Variants in PCDH15 observed in about 807,000 individuals in gnomAD.
The protein encoded by PCDH15 is protocadherin related 15, also known as protocadherin-15.
In PCDH15, 129 loss-of-function variants were observed where a neutral mutation model predicts 178.5. That is an observed-to-expected ratio of 0.72 (90% CI 0.63 to 0.84). The LOEUF (loss-of-function observed/expected upper bound fraction) is 0.84. Among genes scored for constraint, PCDH15 ranks in the 40% least tolerant of loss-of-function variants. The pLI is 0.00. For missense variants in PCDH15, 2,230 were observed against 2,099.9 expected, an observed-to-expected ratio of 1.06 and a Z score of -1.21; for synonymous variants, 800 against 732.0, an observed-to-expected ratio of 1.09 and a Z score of -1.50.
chr10:55,011,576 C>T (rs1476822422), intron 2 of PCDH15, among the ~76,000 whole-genome samples: 2 of 151,942 alleles, frequency 1.3e-5, no homozygotes, highest in Non-Finnish European at 2.9e-5. Context: ...TTAAATTATT[C>T]ATGGTTTAAA....
intron 2 of PCDH15, among the ~76,000 whole-genome samples, chr10:55,561,314 C>A (rs1842194319): frequency 6.6e-6 from 1 of 151,646 alleles, no homozygotes; most frequent in Non-Finnish European, 1.5e-5. Context: ...TAATGTGAAA[C>A]CCTTGGATTT....
intron 18 of PCDH15, among the ~76,000 whole-genome samples, chr10:54,039,481 G>T (rs1391846785): frequency 3.3e-5 from 5 of 151,848 alleles, no homozygotes; most frequent in African/African-American, 1.2e-4. Context: ...AGAATTGTCA[G>T]TGGGTTCCCT....
intron 14 of PCDH15, 74 bp downstream of exon 14, chr10:54,153,026 C>T: frequency 3.3e-6 from 5 of 1,505,026 alleles, no homozygotes; most frequent in Non-Finnish European, 4.6e-6. Context: ...AGAATACTTG[C>T]CGCGCTTCTT....
intron 1 of PCDH15, among the ~76,000 whole-genome samples, chr10:54,666,724 A>T (rs570093869): frequency 6.6e-6 from 1 of 152,178 alleles, no homozygotes; most frequent in African/African-American, 2.4e-5. Flanking sequence ...AAAGATATGT[A>T]TTAGAAAACA....
At chr10:54,867,374 G>C (rs530329989) in intron 3 of PCDH15, among the ~76,000 whole-genome samples, 1 of 151,896 alleles carries the variant, frequency 6.6e-6, no homozygotes, top group East Asian at 1.9e-4. Context: ...ATGTTTACTG[G>C]GTAAAAATTG....
At chr10:55,520,126 T>C (rs1255447036) in intron 2 of PCDH15, among the ~76,000 whole-genome samples, 4 of 132,654 alleles carry the variant, frequency 3.0e-5, no homozygotes, top group Non-Finnish European at 6.4e-5. Context: ...TATATATATA[T>C]ACACGCAATG....
intron 2 of PCDH15, among the ~76,000 whole-genome samples, chr10:55,116,319 T>G (rs1837626790): frequency 1.3e-5 from 2 of 152,218 alleles, no homozygotes; most frequent in South Asian, 4.1e-4. Flanking sequence ...TGCTATTTTC[T>G]TTCTTTGTTT....
chr10:54,709,593 C>CATATATATATAT (rs35055187), intron 1 of PCDH15, among the ~76,000 whole-genome samples: 41 of 94,800 alleles, frequency 4.3e-4, no homozygotes, highest in Admixed American at 7.4e-4. Flanking sequence ...ACAAATAATT[C>CATATATATATAT]ATATATATAT....
intron 1 of PCDH15, among the ~76,000 whole-genome samples, chr10:54,697,516 T>TAC (rs1491179011): frequency 2.8e-4 from 19 of 67,768 alleles, no homozygotes; most frequent in Admixed American, 7.5e-4. Flanking sequence ...GAAATGTGTG[T>TAC]ATATATATAT....
intron 2 of PCDH15, among the ~76,000 whole-genome samples, chr10:54,956,203 A>G (rs1838481172): frequency 6.6e-6 from 1 of 151,342 alleles, no homozygotes; most frequent in Non-Finnish European, 1.5e-5. Context: ...ACTAGACCAC[A>G]TAAGTATTGT....
intron 21 of PCDH15, among the ~76,000 whole-genome samples, chr10:53,991,628 T>C (rs1022480221): frequency 3.3e-5 from 5 of 151,814 alleles, no homozygotes; most frequent in African/African-American, 9.7e-5. Flanking sequence ...ACTCTGTGTA[T>C]AGCTCAAGGT....
chr10:54,688,213 T>C (rs980124046), intron 1 of PCDH15, among the ~76,000 whole-genome samples: 1 of 151,836 alleles, frequency 6.6e-6, no homozygotes, highest in African/African-American at 2.4e-5. Flanking sequence ...ATAATGGGAG[T>C]GGTAAAAATT....
chr10:54,433,576 T>C (rs2075160785), intron 3 of PCDH15, among the ~76,000 whole-genome samples: 1 of 151,102 alleles, frequency 6.6e-6, no homozygotes, highest in Non-Finnish European at 1.5e-5. Context: ...TGGAGGGAGG[T>C]GGTTAATGGA....
chr10:54,314,718 T>C (rs1429248492), intron 8 of PCDH15, among the ~76,000 whole-genome samples: 1 of 152,102 alleles, frequency 6.6e-6, no homozygotes, highest in Non-Finnish European at 1.5e-5. Context: ...CTTCAGGGTC[T>C]GTTGTTCTCT....
At chr10:54,497,715 A>C (rs1383132608) in intron 3 of PCDH15, among the ~76,000 whole-genome samples, 1 of 152,164 alleles carries the variant, frequency 6.6e-6, no homozygotes, top group Non-Finnish European at 1.5e-5. Context: ...CCAGGGCTTG[A>C]AGACTGTACC....
Position 54,279,348 on chromosome 10 carries a change from T to C in PCDH15, c.876+37923A>G, listed in dbSNP as rs1329683788. On this transcript the variant is annotated intron_variant, in intron 8 of 37. Coordinates refer to ENST00000644397, the MANE Select transcript of PCDH15 (RefSeq NM_001384140.1). ...CACCGAACACCAATTTTTAAATGTATTTGAAATTAATTATTTTAAGTGTCT... is the reference window on the plus strand; with the variant it reads ...CACCGAACACCAATTTTTAAATGTACTTGAAATTAATTATTTTAAGTGTCT... Among the ~76,000 whole-genome samples the C allele has an allele frequency of 3.3e-5, 5 of 151,572 alleles. No homozygotes were observed. The East Asian group carries it at 7.7e-4, about 23-fold the overall frequency.
chr10:54,960,327 G>T (rs184909319), intron 2 of PCDH15, among the ~76,000 whole-genome samples: 149 of 152,144 alleles, frequency 9.8e-4, no homozygotes, highest in African/African-American at 3.5e-3. Context: ...AAGCTAATAA[G>T]AAAATATATG....
At chr10:54,237,449 G>A (rs962943595) in intron 8 of PCDH15, among the ~76,000 whole-genome samples, 1 of 151,974 alleles carries the variant, frequency 6.6e-6, no homozygotes, top group African/African-American at 2.4e-5. Flanking sequence ...TTTAAATATT[G>A]CAGGTATTTA....
At chr10:54,438,544 C>T (rs1282280335) in intron 3 of PCDH15, among the ~76,000 whole-genome samples, 1 of 152,024 alleles carries the variant, frequency 6.6e-6, no homozygotes, top group Non-Finnish European at 1.5e-5. Flanking sequence ...CATCTTTTCT[C>T]TTTCCCCATC....
Sources: allele counts gnomAD v4.1 joint callset (sites outside exome capture counted in the v4.1 genomes callset), GRCh38; gene constraint gnomAD v4.1.1; transcripts MANE v1.5; gene names NCBI Gene and HGNC (gene_info 2026-07-23, HGNC 2026-07-21).